Variants in KCNH7 observed in about 807,000 individuals in gnomAD.
KCNH7 encodes the protein voltage-gated inwardly rectifying potassium channel KCNH7.
Under a neutral mutation model 120.8 loss-of-function variants are expected in KCNH7, and 49 were observed. The ratio of observed to expected loss-of-function variants is 0.41; its 90% CI spans 0.32 to 0.51. The LOEUF is 0.51. KCNH7 is among the 20% of genes least tolerant of loss of function. The pLI is 0.38. For synonymous variants in KCNH7, 547 were observed against 516.1 expected (o/e 1.06, Z -0.81); for missense variants, 1,097 against 1,446.6 (o/e 0.76, Z 3.92).
intron 2 of KCNH7, among the ~76,000 whole-genome samples, chr2:162,612,933 A>T (rs780835611): frequency 2.3e-4 from 35 of 152,054 alleles, no homozygotes; most frequent in Admixed American, 1.3e-4. Flanking sequence ...ATTATCCTGA[A>T]TTTAGTACAG....
intron 6 of KCNH7, among the ~76,000 whole-genome samples, chr2:162,491,403 C>T (rs183815043): frequency 6.6e-6 from 1 of 152,282 alleles, no homozygotes; most frequent in East Asian, 1.9e-4. Flanking sequence ...GGCCAGGACC[C>T]CAATTCACGG....
intron 2 of KCNH7, among the ~76,000 whole-genome samples, chr2:162,734,496 T>C (rs1687832826): frequency 6.6e-6 from 1 of 152,212 alleles, no homozygotes; most frequent in African/African-American, 2.4e-5. Flanking sequence ...TATTGCGTTT[T>C]TCCTGCCCAT....
chr2:162,829,146 G>A (rs1161838164), intron 2 of KCNH7, among the ~76,000 whole-genome samples: 1 of 152,060 alleles, frequency 6.6e-6, no homozygotes, highest in African/African-American at 2.4e-5. Context: ...TTTCTTAATT[G>A]TTCAGTAATA....
At chr2:162,524,235 A>G (rs1231616485) in intron 3 of KCNH7, among the ~76,000 whole-genome samples, 1 of 152,058 alleles carries the variant, frequency 6.6e-6, no homozygotes, top group Non-Finnish European at 1.5e-5. Context: ...GCTCAAATGC[A>G]GGGATAGCCC....
Position 162,371,797 on chromosome 2 carries a change from AC to A in KCNH7, c.*31del. The A allele has an allele frequency of 1.3e-6, 2 of 1,581,078 alleles. No individual in the cohort carries two copies. Among genetic ancestry groups the A allele is most frequent in the Non-Finnish European group, 1.7e-6 (2 of 1,157,284 alleles). ...AGGAAAACAGCCATTAAAAGCACTT[AC>A]ATTGTATGTGGAGTAAATAGTACAA... On this transcript the variant is annotated 3_prime_UTR_variant, in exon 16 of 16. Transcript: ENST00000332142.
chr2:162,808,655 CTATT>C (rs1369634489), intron 2 of KCNH7, among the ~76,000 whole-genome samples: 1 of 152,064 alleles, frequency 6.6e-6, no homozygotes, highest in Non-Finnish European at 1.5e-5. Flanking sequence ...TCTTGATACT[CTATT>C]TGTTCAGTTT....
At chr2:162,445,938 A>G (rs944908653) in intron 7 of KCNH7, 80 bp downstream of exon 7, 25 of 1,106,120 alleles carry the variant, frequency 2.3e-5, no homozygotes, top group Non-Finnish European at 1.0e-5. Context: ...TTGCAAAGCA[A>G]CTCTTCTTTT....
chr2:162,489,133 T>C (rs1026806272), intron 6 of KCNH7, among the ~76,000 whole-genome samples: 5 of 152,250 alleles, frequency 3.3e-5, no homozygotes, highest in Non-Finnish European at 4.4e-5. Flanking sequence ...ATTTGCTGCT[T>C]AATTAAAAAT....
intron 2 of KCNH7, among the ~76,000 whole-genome samples, chr2:162,769,199 C>T (rs1682943461): frequency 1.3e-5 from 2 of 152,112 alleles, no homozygotes; most frequent in Admixed American, 1.3e-4. Context: ...GCTTGAACAA[C>T]AGACCTCCGC....
Position 162,371,721 on chromosome 2 carries a change from A to G in KCNH7, c.*108T>C. 1 of 1,075,884 alleles carries G rather than the reference A, an allele frequency of 9.3e-7. No homozygotes were observed. The highest frequency in any genetic ancestry group is 1.3e-6 in the Non-Finnish European group (1 of 759,326). 66.6% of individuals were successfully genotyped at this position (1,075,884 alleles called of 1,614,324 possible). A position where few individuals can be genotyped will look rare whatever the true frequency, so the allele number is the denominator to read the frequency against. On this transcript the variant is annotated 3_prime_UTR_variant, in exon 16 of 16. Coordinates refer to ENST00000332142, the MANE Select transcript of KCNH7 (RefSeq NM_033272.4). ...GAAAATATACAGTACTTTTGCATATAATGGTACCTTGTGAGCCCCTGAGTC... is the reference window on the plus strand; with the variant it reads ...GAAAATATACAGTACTTTTGCATATGATGGTACCTTGTGAGCCCCTGAGTC...
intron 2 of KCNH7, among the ~76,000 whole-genome samples, chr2:162,742,527 A>G (rs1688173188): frequency 6.6e-6 from 1 of 152,210 alleles, no homozygotes; most frequent in East Asian, 1.9e-4. Context: ...TAAAAATTGA[A>G]TGCTTTATAT....
intron 6 of KCNH7, among the ~76,000 whole-genome samples, chr2:162,477,189 T>C (rs1689775153): frequency 2.6e-5 from 4 of 152,246 alleles, no homozygotes. Context: ...CTTAGAGCCT[T>C]ATGATCATTC....
At chr2:162,639,875 G>T (rs562519995) in intron 2 of KCNH7, among the ~76,000 whole-genome samples, 5 of 152,004 alleles carry the variant, frequency 3.3e-5, no homozygotes, top group African/African-American at 1.2e-4. Context: ...GTTCAGTAAG[G>T]GCACAGGAGA....
At chr2:162,727,239 T>A (rs1349165158) in intron 2 of KCNH7, among the ~76,000 whole-genome samples, 1 of 152,212 alleles carries the variant, frequency 6.6e-6, no homozygotes, top group Non-Finnish European at 1.5e-5. Context: ...GTGATGTTAC[T>A]GATAAAATAT....
At chr2:162,467,773 GT>G (rs1689356636) in intron 6 of KCNH7, among the ~76,000 whole-genome samples, 1 of 152,138 alleles carries the variant, frequency 6.6e-6, no homozygotes, top group Non-Finnish European at 1.5e-5. Context: ...CCTAGACTGG[GT>G]TGCTTATAAA....
chr2:162,578,123 G>A (rs933969480), intron 2 of KCNH7, among the ~76,000 whole-genome samples: 3 of 151,982 alleles, frequency 2.0e-5, no homozygotes, highest in African/African-American at 7.2e-5. Context: ...TGAGTCAAAT[G>A]TGCCCTTAGT....
intron 6 of KCNH7, among the ~76,000 whole-genome samples, chr2:162,470,007 T>C (rs909298085): frequency 3.9e-5 from 6 of 152,230 alleles, no homozygotes; most frequent in Admixed American, 2.0e-4. Flanking sequence ...GTTCACTCAG[T>C]GCTCAATGGT....
At chr2:162,475,512 A>G (rs1410706984) in intron 6 of KCNH7, among the ~76,000 whole-genome samples, 1 of 152,194 alleles carries the variant, frequency 6.6e-6, no homozygotes, top group Non-Finnish European at 1.5e-5. Context: ...GAAACCACAC[A>G]TCTTACAATG....
At chr2:162,743,620 TG>T (rs1169791889) in intron 2 of KCNH7, among the ~76,000 whole-genome samples, 2 of 152,136 alleles carry the variant, frequency 1.3e-5, no homozygotes, top group African/African-American at 4.8e-5. Context: ...GTACATAAAA[TG>T]TTTCAATGCA....
Sources: allele counts gnomAD v4.1 joint callset (sites outside exome capture counted in the v4.1 genomes callset), GRCh38; gene constraint gnomAD v4.1.1; transcripts MANE v1.5; gene names NCBI Gene and HGNC (gene_info 2026-07-23, HGNC 2026-07-21).